DYSF: variants seen among roughly 807,000 people sequenced by gnomAD.
The protein encoded by DYSF is dystrophy-associated fer-1-like 1.
Under a neutral mutation model 274.9 loss-of-function variants are expected in DYSF, and 212 were observed. The ratio of observed to expected loss-of-function variants is 0.77; its 90% CI spans 0.69 to 0.86. The LOEUF is 0.86. Among genes scored for constraint, DYSF ranks in the 40% least tolerant of loss-of-function variants. The pLI is 0.00. For missense variants in DYSF, 2,666 were observed against 2,783.2 expected, an observed-to-expected ratio of 0.96 and a Z score of 0.95; for synonymous variants, 1,091 against 1,078.7, an observed-to-expected ratio of 1.01 and a Z score of -0.22.
chr2:71,572,500 G>C (rs1385424038), intron 29 of DYSF, among the ~76,000 whole-genome samples: 2 of 152,266 alleles, frequency 1.3e-5, no homozygotes, highest in Non-Finnish European at 2.9e-5. Flanking sequence ...GTTTCCTGGA[G>C]GCAGAAGCTA....
chr2:71,686,178 A>G (rs2095354079), intron 55 of DYSF, among the ~76,000 whole-genome samples: 1 of 152,180 alleles, frequency 6.6e-6, no homozygotes, highest in Non-Finnish European at 1.5e-5. Context: ...TTTGGCCCCC[A>G]GGTGGGAGGG....
In DYSF at chr2:71,589,670, T is replaced by C. The variant is rs768564735; in HGVS notation, c.3480T>C (p.Ile1160=). The C allele has an allele frequency of 6.2e-7, 1 of 1,614,106 alleles. No homozygotes were observed. Among genetic ancestry groups the C allele is most frequent in the Non-Finnish European group, 8.5e-7 (1 of 1,179,976 alleles). Residue 1160 remains isoleucine, a synonymous_variant, in exon 31 of 56, where the codon ATT becomes ATC. Transcript: ENST00000410020. ...TLSFGVNRPT[I]SCIFDYGNRY... ...GCTTCGGTGTGAACAGACCCACGAT[T>C]TCCTGCATATTCGACTGTAAGTGAG...
At chr2:71,651,329 C>T (rs1047933885) in intron 42 of DYSF, among the ~76,000 whole-genome samples, 1 of 151,826 alleles carries the variant, frequency 6.6e-6, no homozygotes, top group Non-Finnish European at 1.5e-5. Flanking sequence ...GAAAACCAAG[C>T]CAAAATCCGC....
intron 41 of DYSF, among the ~76,000 whole-genome samples, chr2:71,624,124 G>A (rs2094161519): frequency 6.6e-6 from 1 of 152,144 alleles, no homozygotes; most frequent in Admixed American, 6.5e-5. Context: ...TAGATACAAT[G>A]CCCTTCCTTT....
upstream of DYSF, among the ~76,000 whole-genome samples, chr2:71,465,866 G>A (rs890189631): frequency 8.5e-5 from 13 of 152,162 alleles, no homozygotes; most frequent in Non-Finnish European, 1.3e-4. Context: ...GACTGTCACC[G>A]TTCATGGCTT....
At chr2:71,519,605 A>C (rs1409110867) in intron 10 of DYSF, among the ~76,000 whole-genome samples, 1 of 151,946 alleles carries the variant, frequency 6.6e-6, no homozygotes, top group South Asian at 2.1e-4. Context: ...ATCCAAATCT[A>C]CCATGCAGGG....
At chr2:71,503,351 G>A (rs1213788283) in intron 4 of DYSF, 32 bp downstream of exon 4, 1 of 1,610,330 alleles carries the variant, frequency 6.2e-7, no homozygotes, top group African/African-American at 1.3e-5. Flanking sequence ...CCAGGTTAAG[G>A]TCCAAGGCAT....
chr2:71,647,117 A>C (rs1231152050), intron 42 of DYSF, among the ~76,000 whole-genome samples: 1 of 152,180 alleles, frequency 6.6e-6, no homozygotes, highest in East Asian at 1.9e-4. Context: ...AATGACAGAA[A>C]TTAAAGTTGC....
intron 30 of DYSF, among the ~76,000 whole-genome samples, chr2:71,585,764 T>C (rs1426701841): frequency 6.6e-6 from 1 of 152,136 alleles, no homozygotes; most frequent in African/African-American, 2.4e-5. Flanking sequence ...TGCTGGGTGA[T>C]GGGTGCACGC....
At chr2:71,467,701 T>C (rs977213826) in intron 1 of DYSF, among the ~76,000 whole-genome samples, 2 of 151,954 alleles carry the variant, frequency 1.3e-5, no homozygotes, top group Non-Finnish European at 2.9e-5. Context: ...GAAGGAACAA[T>C]AGCTGTGAGT....
intron 42 of DYSF, 41 bp downstream of exon 42, chr2:71,644,104 G>C (rs367942476): frequency 5.3e-6 from 8 of 1,514,178 alleles, no homozygotes; most frequent in East Asian, 2.3e-5. Flanking sequence ...GTGTGTGTGC[G>C]TACTGGGCAG....
intron 29 of DYSF, 56 bp downstream of exon 29, chr2:71,570,797 G>T: frequency 6.2e-7 from 1 of 1,607,458 alleles, no homozygotes. Context: ...TGGCCAGTAG[G>T]CACAGATGCA....
In DYSF at chr2:71,555,987, A is replaced by T; in HGVS notation, c.2132A>T (p.His711Leu). 6.4e-7 allele frequency: 1 copy of T among 1,567,388 alleles called. No homozygotes were observed. The highest frequency in any genetic ancestry group is 8.7e-7 in the Non-Finnish European group (1 of 1,155,898). The part of the protein sequence containing the change: ...DRLEAGLEQV[H>L]LALKAQCSTE... ...CAGGAAGCTGGCCTGGAGCAGGTCC[A>T]CCTGGCCCTGAAGGCGCAGTGCTCC... The change falls in exon 22 of 56, where the codon CAC becomes CTC. Residue 711 changes from histidine (H) to leucine (L), a missense_variant. Physicochemically the swap from His to Leu is moderately conservative, Grantham distance 99. Around this residue, in one of 3 missense-constraint regions of DYSF, gnomAD observed 412 missense variants for 504.0 expected, o/e 0.82. Transcript: ENST00000410020.
At chr2:71,655,426 G>A (rs563713639) in intron 42 of DYSF, among the ~76,000 whole-genome samples, 18 of 152,290 alleles carry the variant, frequency 1.2e-4, no homozygotes, top group African/African-American at 4.1e-4. Flanking sequence ...CAGATATGAC[G>A]AATTTAGCAT....
chr2:71,616,959 A>G (rs796803234), intron 40 of DYSF, among the ~76,000 whole-genome samples: 27 of 152,080 alleles, frequency 1.8e-4, no homozygotes, highest in African/African-American at 6.5e-4. Flanking sequence ...TATGATTATG[A>G]TTAGGGGAAG....
intron 36 of DYSF, among the ~76,000 whole-genome samples, chr2:71,605,475 A>C (rs1294039149): frequency 6.6e-6 from 1 of 152,158 alleles, no homozygotes; most frequent in Non-Finnish European, 1.5e-5. Flanking sequence ...TAGGATACAG[A>C]ACATGTGTAG....
intron 2 of DYSF, among the ~76,000 whole-genome samples, chr2:71,481,509 A>G (rs556288758): frequency 3.9e-5 from 6 of 152,304 alleles, no homozygotes; most frequent in South Asian, 2.1e-4. Flanking sequence ...GATGAGCCCA[A>G]TAATCTTGGT....
intron 49 of DYSF, 50 bp from the exon 50 acceptor site, chr2:71,669,062 C>T (rs1331946750): frequency 1.3e-6 from 2 of 1,507,520 alleles, no homozygotes; most frequent in South Asian, 2.4e-5. Context: ...TAAGGCCTTC[C>T]CATCCTTTGG....
chr2:71,684,582 T>G (rs753623507), intron 55 of DYSF, among the ~76,000 whole-genome samples: 1 of 152,170 alleles, frequency 6.6e-6, no homozygotes, highest in Non-Finnish European at 1.5e-5. Flanking sequence ...GATGATCAAA[T>G]GCTCTTTTGG....
Sources: allele counts gnomAD v4.1 joint callset (sites outside exome capture counted in the v4.1 genomes callset), GRCh38; gene constraint gnomAD v4.1.1; regional missense constraint gnomAD v4.1.1; transcripts MANE v1.5; gene names NCBI Gene and HGNC (gene_info 2026-07-23, HGNC 2026-07-21).